The following BARX2 variants were observed in gnomAD, a reference collection of about 807,000 sequenced individuals.
The protein encoded by BARX2 is homeobox protein BarH-like 2.
A neutral mutation model predicts 25.5 loss-of-function variants in BARX2; 11 were observed. The observed-to-expected ratio is 0.43, with a 90% CI of 0.27 to 0.71. The LOEUF (loss-of-function observed/expected upper bound fraction) is 0.71. Among genes scored for constraint, BARX2 ranks in the 30% least tolerant of loss-of-function variants. BARX2 has a pLI of 0.19. For missense variants in BARX2, 360 were observed against 359.9 expected (o/e 1.00, Z 0.00); for synonymous variants, 137 against 149.5 (o/e 0.92, Z 0.61).
chr11:129,379,620 T>A (rs1861540389), intron 1 of BARX2, among the ~76,000 whole-genome samples: 1 of 152,186 alleles, frequency 6.6e-6, no homozygotes, highest in South Asian at 2.1e-4. Flanking sequence ...GTGGTCATTT[T>A]TGAAGCCTCT....
intron 1 of BARX2, among the ~76,000 whole-genome samples, chr11:129,422,154 C>A (rs1178152711): frequency 6.6e-6 from 1 of 152,170 alleles, no homozygotes; most frequent in Non-Finnish European, 1.5e-5. Flanking sequence ...GCTAGCTTTA[C>A]AGACATGAGC....
chr11:129,419,883 C>A (rs768566898), intron 1 of BARX2, among the ~76,000 whole-genome samples: 1 of 152,028 alleles, frequency 6.6e-6, no homozygotes, highest in Admixed American at 6.6e-5. Context: ...CGGGTTCAAG[C>A]GATTCTCATG....
chr11:129,450,653 T>G (rs1301144136), intron 3 of BARX2, among the ~76,000 whole-genome samples: 1 of 152,214 alleles, frequency 6.6e-6, no homozygotes, highest in South Asian at 2.1e-4. Context: ...TCTTAGATAA[T>G]TTTTTAGAAT....
intron 1 of BARX2, among the ~76,000 whole-genome samples, chr11:129,402,267 T>TTAGCA (rs1196570757): frequency 2.0e-5 from 3 of 152,194 alleles, no homozygotes; most frequent in African/African-American, 7.2e-5. Context: ...CCCTTACTTC[T>TTAGCA]TAGCATGTTA....
intron 1 of BARX2, among the ~76,000 whole-genome samples, chr11:129,385,628 G>A (rs901670920): frequency 3.9e-5 from 6 of 152,146 alleles, no homozygotes; most frequent in Admixed American, 3.3e-4. Flanking sequence ...CAGGGGCATG[G>A]GAGTGGGGAG....
chr11:129,396,739 G>C (rs1238620525), intron 1 of BARX2, among the ~76,000 whole-genome samples: 1 of 152,154 alleles, frequency 6.6e-6, no homozygotes, highest in Non-Finnish European at 1.5e-5. Context: ...GCTGGAATTT[G>C]ATGAGGACAC....
At chr11:129,403,055 A>G (rs1861793968) in intron 1 of BARX2, among the ~76,000 whole-genome samples, 1 of 152,244 alleles carries the variant, frequency 6.6e-6, no homozygotes, top group Non-Finnish European at 1.5e-5. Context: ...ACCAGGTGGA[A>G]TACTAATGGT....
At chr11:129,432,733 G>A (rs1040718911) in intron 1 of BARX2, among the ~76,000 whole-genome samples, 24 of 152,148 alleles carry the variant, frequency 1.6e-4, no homozygotes, top group African/African-American at 5.8e-4. Flanking sequence ...GAATGGGAAT[G>A]AAACTTATAA....
intron 1 of BARX2, among the ~76,000 whole-genome samples, chr11:129,421,092 C>G (rs1229656054): frequency 6.6e-6 from 1 of 152,180 alleles, no homozygotes; most frequent in African/African-American, 2.4e-5. Context: ...AGAGAAAGGC[C>G]TTCTTGCTGT....
At chr11:129,382,996 G>T (rs975151336) in intron 1 of BARX2, among the ~76,000 whole-genome samples, 2 of 152,280 alleles carry the variant, frequency 1.3e-5, no homozygotes, top group Non-Finnish European at 2.9e-5. Context: ...AGGATGGAAC[G>T]GTAGTTTCTT....
chr11:129,375,474 C>T (rs1861489935), upstream of BARX2, among the ~76,000 whole-genome samples: 1 of 152,068 alleles, frequency 6.6e-6, no homozygotes, highest in Non-Finnish European at 1.5e-5. The surrounding 1 kb of genome is among the most constrained non-coding windows in gnomAD (Gnocchi z 4.0). Flanking sequence ...GTAAGGTGCT[C>T]ATGGGGAACA....
At chr11:129,415,925 G>C (rs1410339036) in intron 1 of BARX2, among the ~76,000 whole-genome samples, 1 of 152,184 alleles carries the variant, frequency 6.6e-6, no homozygotes, top group Non-Finnish European at 1.5e-5. Flanking sequence ...TGAGGCTTCC[G>C]ATTGGATCCA....
In BARX2 at chr11:129,386,938, C is replaced by G. The variant is rs376270668; in HGVS notation, c.187+10716C>G. On this transcript the variant is annotated intron_variant, in intron 1 of 3. Coordinates refer to ENST00000281437, the MANE Select transcript of BARX2 (RefSeq NM_003658.5). Reference sequence around the variant, plus strand: ...TAAAGCTCTGGAGGGGGGCCTCACCCCACCCACAGGATCTGTGGCCAGGGT... The same window carrying G: ...TAAAGCTCTGGAGGGGGGCCTCACCGCACCCACAGGATCTGTGGCCAGGGT... Among the ~76,000 whole-genome samples, 92 of 152,298 alleles carry G rather than the reference C, an allele frequency of 6.0e-4. No homozygotes were observed. The South Asian group carries it at 0.013, about 22-fold the overall frequency.
chr11:129,442,958 G>A (rs1862281089), intron 3 of BARX2, 39 bp downstream of exon 3: 14 of 1,573,958 alleles, frequency 8.9e-6, no homozygotes, highest in Non-Finnish European at 1.1e-5. Context: ...CTTCCTGATG[G>A]GAAGGACTTT....
chr11:129,407,930 G>A (rs1248987460), intron 1 of BARX2, among the ~76,000 whole-genome samples: 1 of 151,134 alleles, frequency 6.6e-6, no homozygotes, highest in East Asian at 2.0e-4. Context: ...GGCTGGGCGC[G>A]GTGGCTCACA....
chr11:129,446,519 T>C (rs1862331441), intron 3 of BARX2, among the ~76,000 whole-genome samples: 1 of 152,178 alleles, frequency 6.6e-6, no homozygotes, highest in Admixed American at 6.5e-5. Flanking sequence ...ACCTGCCATA[T>C]AGGATACAGC....
chr11:129,422,434 G>A (rs773466189), intron 1 of BARX2, among the ~76,000 whole-genome samples: 1 of 150,896 alleles, frequency 6.6e-6, no homozygotes, highest in Non-Finnish European at 1.5e-5. Flanking sequence ...AAGTAGCTAG[G>A]ACTACAGGCA....
intron 1 of BARX2, among the ~76,000 whole-genome samples, chr11:129,421,163 G>A (rs1862000399): frequency 6.6e-6 from 1 of 152,150 alleles, no homozygotes; most frequent in Admixed American, 6.5e-5. Flanking sequence ...GAACCGATGT[G>A]CATTGTGTTG....
intron 1 of BARX2, among the ~76,000 whole-genome samples, chr11:129,412,271 C>CAAAA (rs112111155): frequency 8.6e-6 from 1 of 116,270 alleles, no homozygotes; most frequent in Non-Finnish European, 1.9e-5. Context: ...GAATCCATCT[C>CAAAA]AAAAAAAAAA....
Sources: gnomAD v4.1 joint callset for allele counts (sites outside exome capture counted in the v4.1 genomes callset) on GRCh38, gnomAD v4.1.1 for gene constraint, Gnocchi (gnomAD v3.1) non-coding constraint, MANE v1.5 for transcripts, NCBI Gene and HGNC (gene_info 2026-07-23, HGNC 2026-07-21) for gene names.